The following HDAC2 variants were observed in gnomAD, a reference collection of about 807,000 sequenced individuals.
HDAC2 encodes YY1-associated factor 1.
In HDAC2, 5 loss-of-function variants were observed where a neutral mutation model predicts 68.5. The observed-to-expected ratio is 0.07, with a 90% confidence interval of 0.04 to 0.15. The LOEUF (loss-of-function observed/expected upper bound fraction) is 0.15, where lower values mean the gene tolerates loss of function less well. Ranked by LOEUF, HDAC2 falls within the 10% of genes least tolerant of loss-of-function variation. The pLI, the probability that HDAC2 is intolerant of heterozygous loss-of-function variation, is 1.00. For missense variants in HDAC2, 291 were observed against 600.8 expected (o/e 0.48, Z 5.39); for synonymous variants, 182 against 191.3 (o/e 0.95, Z 0.40).
intron 1 of HDAC2, among the ~76,000 whole-genome samples, chr6:113,962,984 A>C (rs897128590): frequency 2.6e-5 from 4 of 151,538 alleles, no homozygotes; most frequent in Admixed American, 2.0e-4. Context: ...AAAAAAAAGA[A>C]TTCTTCTAAA....
chr6:113,969,739 T>G (rs1194610305), intron 1 of HDAC2: 1 of 152,224 alleles, frequency 6.6e-6, no homozygotes, highest in Non-Finnish European at 1.5e-5. Context: ...ATAGAATGCT[T>G]AAGATAATTA....
At chr6:113,966,618 T>C (rs373145722) in intron 1 of HDAC2, among the ~76,000 whole-genome samples, 1 of 146,482 alleles carries the variant, frequency 6.8e-6, no homozygotes, top group East Asian at 2.0e-4. Flanking sequence ...AAAAAAAAGC[T>C]ACGTTTTTAA....
intron 1 of HDAC2, chr6:113,968,281 C>G (rs1257808209): frequency 1.3e-5 from 2 of 152,020 alleles, no homozygotes; most frequent in African/African-American, 4.8e-5. Context: ...TAATTCAGAC[C>G]CTATTACTAC....
intron 1 of HDAC2, among the ~76,000 whole-genome samples, chr6:113,961,563 A>T (rs1468171201): frequency 6.6e-6 from 1 of 152,180 alleles, no homozygotes; most frequent in African/African-American, 2.4e-5. Flanking sequence ...CTGCAATTAT[A>T]ATTAAGAGGC....
intron 1 of HDAC2, chr6:113,970,616 G>A (rs1776969570): frequency 8.3e-6 from 11 of 1,329,070 alleles, no homozygotes; most frequent in Admixed American, 4.0e-5. Context: ...CACGGCCGAA[G>A]GGGGAGAGGC....
chr6:113,949,137 C>T (rs774616167), intron 7 of HDAC2, 31 bp downstream of exon 7: 2 of 1,606,090 alleles, frequency 1.2e-6, no homozygotes, highest in East Asian at 4.5e-5. Context: ...TTCTGAAATT[C>T]CATTCCAATT....
intron 6 of HDAC2, among the ~76,000 whole-genome samples, chr6:113,951,516 G>A (rs2114601580): frequency 6.8e-6 from 1 of 147,352 alleles, no homozygotes; most frequent in Non-Finnish European, 1.5e-5. Flanking sequence ...CGCCCAGGCT[G>A]GAGTGCAGTG....
chr6:113,959,301 A>G (rs1255228099), intron 2 of HDAC2, among the ~76,000 whole-genome samples: 1 of 152,126 alleles, frequency 6.6e-6, no homozygotes, highest in African/African-American at 2.4e-5. Context: ...AACTGAAAAT[A>G]ATTCACATAT....
chr6:113,953,186 T>C (rs1776463144), intron 6 of HDAC2, 91 bp downstream of exon 6: 1 of 882,928 alleles, frequency 1.1e-6, no homozygotes, highest in Non-Finnish European at 1.7e-6. Flanking sequence ...TTCAAATTAT[T>C]AACTCAGGAG....
intron 1 of HDAC2, among the ~76,000 whole-genome samples, chr6:113,961,605 A>G (rs1025066940): frequency 1.3e-5 from 2 of 152,182 alleles, no homozygotes; most frequent in Non-Finnish European, 2.9e-5. Flanking sequence ...ACCTATTAAG[A>G]AAGAATCTAC....
At chr6:113,958,053 A>G (rs1223436929) in intron 3 of HDAC2, among the ~76,000 whole-genome samples, 1 of 152,270 alleles carries the variant, frequency 6.6e-6, no homozygotes, top group Non-Finnish European at 1.5e-5. Flanking sequence ...GTCAGTCAAT[A>G]CAAACACTAA....
chr6:113,970,249 G>GC (rs1776949548), intron 1 of HDAC2: 1 of 162,726 alleles, frequency 6.1e-6, no homozygotes, highest in South Asian at 2.0e-4. Flanking sequence ...ACTCTCCAGC[G>GC]CCCACCGGGA....
At chr6:113,954,557 G>A (rs910688976) in intron 5 of HDAC2, among the ~76,000 whole-genome samples, 1 of 152,184 alleles carries the variant, frequency 6.6e-6, no homozygotes, top group Non-Finnish European at 1.5e-5. Flanking sequence ...ACTATTAGCT[G>A]AGTGGGCAAG....
intron 6 of HDAC2, 199 bp from the exon 7 acceptor site, chr6:113,949,459 G>A (rs1329099857): frequency 1.8e-6 from 1 of 571,210 alleles, no homozygotes; most frequent in African/African-American, 1.9e-5. Context: ...AATATTTATA[G>A]ACTGCTTGTA....
rs1160594481 is a variant in HDAC2 at position 113,936,327 on chromosome 6, A to T, written c.*4731T>A. 6.6e-6 allele frequency: 1 copy of T among 152,218 alleles called. No individual in the cohort carries two copies. The highest frequency in any genetic ancestry group is 2.4e-5 in the African/African-American group (1 of 41,460). The allele number at this position is 152,218 out of a possible 1,614,324, so 9.4% of individuals were successfully genotyped here. A position where few individuals can be genotyped will look rare whatever the true frequency, so the allele number is the denominator to read the frequency against. ...TGTGGTACAGTGAGGAAATGCAGCA[A>T]TTGAGAAGCTTCTAAATGCTGTAAT... On this transcript the variant is annotated 3_prime_UTR_variant, in exon 14 of 14. Coordinates refer to ENST00000519065, the MANE Select transcript of HDAC2 (RefSeq NM_001527.4).
chr6:113,954,037 T>A (rs1436555224), intron 5 of HDAC2, among the ~76,000 whole-genome samples: 1 of 152,236 alleles, frequency 6.6e-6, no homozygotes, highest in African/African-American at 2.4e-5. Flanking sequence ...AGAGGCTACA[T>A]GTGGTACTCT....
At chr6:113,945,271 G>A in intron 10 of HDAC2, 91 bp downstream of exon 10, 2 of 532,648 alleles carry the variant, frequency 3.8e-6, no homozygotes, top group Non-Finnish European at 6.7e-6. Flanking sequence ...ATCTAATAAA[G>A]TTAAAAAGAC....
At chr6:113,942,894 C>T (rs2114588543) in intron 12 of HDAC2, among the ~76,000 whole-genome samples, 1 of 152,242 alleles carries the variant, frequency 6.6e-6, no homozygotes, top group South Asian at 2.1e-4. Flanking sequence ...ATGTTTTCTT[C>T]AATTTCTGAA....
rs751894611 is a variant in HDAC2, at chr6:113,954,051, G to A, written c.498-633C>T. 1.3e-4 allele frequency among the ~76,000 whole-genome samples: 20 copies of A among 152,350 alleles called. No individual in the cohort carries two copies. The South Asian group carries it at 1.4e-3, about 11-fold the overall frequency. On this transcript the variant is annotated intron_variant, in intron 5 of 13. Coordinates refer to ENST00000519065, the MANE Select transcript of HDAC2 (RefSeq NM_001527.4). ...CAGAGGCTACATGTGGTACTCTCAT[G>A]ACTTCAAACTGGTGCTTGGAGCACC... is the stretch of plus-strand genomic sequence containing the variant.
Sources: gnomAD v4.1 joint callset for allele counts (sites outside exome capture counted in the v4.1 genomes callset) on GRCh38, gnomAD v4.1.1 for gene constraint, MANE v1.5 for transcripts, NCBI Gene and HGNC (gene_info 2026-07-23, HGNC 2026-07-21) for gene names.